The following MEGF10 variants were observed in gnomAD, a reference collection of about 807,000 sequenced individuals.
The protein encoded by MEGF10 is multiple epidermal growth factor-like domains protein 10.
MEGF10 carries 86 observed loss-of-function variants against 147.5 expected under a neutral mutation model. The ratio of observed to expected loss-of-function variants is 0.58; its 90% CI spans 0.49 to 0.70. MEGF10 has a LOEUF of 0.70. Ranked by LOEUF, MEGF10 falls within the 30% of genes least tolerant of loss-of-function variation. The pLI, the probability that MEGF10 is intolerant of heterozygous loss-of-function variation, is 0.00. For missense variants in MEGF10, 1,329 were observed against 1,487.3 expected (o/e 0.89, Z 1.75); for synonymous variants, 478 against 525.5 (o/e 0.91, Z 1.24).
the MEGF10 span, among the ~76,000 whole-genome samples, chr5:127,247,942 T>C: frequency 6.6e-6 from 1 of 152,198 alleles, no homozygotes; most frequent in Middle Eastern, 3.4e-3. Flanking sequence ...GTGTGGGCTT[T>C]ACACGTCAGG....
At chr5:127,416,886 C>T (rs192681992) in intron 9 of MEGF10, among the ~76,000 whole-genome samples, 2 of 152,274 alleles carry the variant, frequency 1.3e-5, no homozygotes, top group East Asian at 3.9e-4. Flanking sequence ...GATGGGAGGT[C>T]ACTTAGCAAA....
chr5:127,427,813 A>G (rs1316997169), intron 13 of MEGF10, among the ~76,000 whole-genome samples: 13 of 152,196 alleles, frequency 8.5e-5, no homozygotes, highest in Admixed American at 8.5e-4. Context: ...TCCAAGTTGG[A>G]GGTAATAACT....
chr5:127,252,378 A>T, the MEGF10 span, among the ~76,000 whole-genome samples: 8 of 151,904 alleles, frequency 5.3e-5, no homozygotes, highest in African/African-American at 1.9e-4. Context: ...AAATACTCAT[A>T]GTAGAAGAGT....
intron 16 of MEGF10, among the ~76,000 whole-genome samples, chr5:127,436,611 C>T (rs1316304767): frequency 3.9e-5 from 6 of 152,174 alleles, no homozygotes; most frequent in Non-Finnish European, 8.8e-5. Context: ...ATTTATATTG[C>T]TCCTTTAAAA....
upstream of MEGF10, among the ~76,000 whole-genome samples, chr5:127,289,148 T>C (rs1204193141): frequency 6.6e-6 from 1 of 152,186 alleles, no homozygotes. Flanking sequence ...ATTGAAGCAG[T>C]GGTTACATGG....
chr5:127,248,305 C>A, the MEGF10 span, among the ~76,000 whole-genome samples: 1 of 152,094 alleles, frequency 6.6e-6, no homozygotes, highest in East Asian at 1.9e-4. Context: ...TATAATAGAT[C>A]ATTTGCAACA....
At chr5:127,315,473 A>G (rs1308694297) in intron 1 of MEGF10, among the ~76,000 whole-genome samples, 1 of 152,172 alleles carries the variant, frequency 6.6e-6, no homozygotes, top group African/African-American at 2.4e-5. Context: ...TCAAAATTAA[A>G]ACTTAAAAAT....
the MEGF10 span, among the ~76,000 whole-genome samples, chr5:127,283,517 C>T: frequency 6.6e-6 from 1 of 152,144 alleles, no homozygotes; most frequent in Admixed American, 6.5e-5. Context: ...CCCAATACAC[C>T]AGCAATGCTT....
chr5:127,412,180 A>T (rs1443221621), intron 9 of MEGF10, among the ~76,000 whole-genome samples: 2 of 152,250 alleles, frequency 1.3e-5, no homozygotes, highest in African/African-American at 4.8e-5. Flanking sequence ...AATAACACTA[A>T]AATCTGTCTA....
At chr5:127,317,220 G>A (rs1760592488) in intron 1 of MEGF10, among the ~76,000 whole-genome samples, 1 of 152,154 alleles carries the variant, frequency 6.6e-6, no homozygotes, top group Non-Finnish European at 1.5e-5. Flanking sequence ...GTAGATTCTG[G>A]ATATTAGCCC....
At chr5:127,377,013 C>G (rs1172791538) in intron 5 of MEGF10, among the ~76,000 whole-genome samples, 1 of 152,130 alleles carries the variant, frequency 6.6e-6, no homozygotes, top group African/African-American at 2.4e-5. Context: ...ATTATGAAAA[C>G]AAACCCTCTG....
chr5:127,406,102 A>T (rs1764310232), intron 8 of MEGF10, among the ~76,000 whole-genome samples: 1 of 152,218 alleles, frequency 6.6e-6, no homozygotes, highest in Non-Finnish European at 1.5e-5. Flanking sequence ...GTCATATTTT[A>T]GGCCACTAAA....
At chr5:127,296,104 T>G (rs1759487537) in intron 1 of MEGF10, among the ~76,000 whole-genome samples, 1 of 152,352 alleles carries the variant, frequency 6.6e-6, no homozygotes, top group South Asian at 2.1e-4. Context: ...TTAAATATAG[T>G]TATTGCAGAG....
chr5:127,355,270 C>T (rs1306496650), intron 4 of MEGF10, among the ~76,000 whole-genome samples: 3 of 151,924 alleles, frequency 2.0e-5, no homozygotes, highest in African/African-American at 7.3e-5. Flanking sequence ...TTGTTTGATT[C>T]TCTCAGGCTT....
At chr5:127,304,308 G>A (rs1488837577) in intron 1 of MEGF10, among the ~76,000 whole-genome samples, 3 of 152,156 alleles carry the variant, frequency 2.0e-5, no homozygotes, top group Non-Finnish European at 4.4e-5. Context: ...GAGCCTGAGA[G>A]GTGACCTGAC....
intron 1 of MEGF10, among the ~76,000 whole-genome samples, chr5:127,301,699 C>T (rs969420283): frequency 6.6e-6 from 1 of 152,164 alleles, no homozygotes; most frequent in African/African-American, 2.4e-5. Flanking sequence ...AGCCTCTTTT[C>T]ATCAAATGTG....
rs1212599451 is a variant in MEGF10 at position 127,414,184 on chromosome 5, A to T, written c.1131-3454A>T. On this transcript the variant is annotated intron_variant, in intron 9 of 24. Coordinates refer to ENST00000503335, the MANE Select transcript of MEGF10 (RefSeq NM_001256545.2). ...ACCCCTTTATATGTGCCAAATTCTA[A>T]ATCTTAGCAATTGTCCTTCATGTCT... Among the ~76,000 whole-genome samples the T allele has an allele frequency of 2.0e-5, 3 of 152,150 alleles. No homozygotes were observed. The East Asian group carries it at 5.8e-4, about 29-fold the overall frequency.
the MEGF10 span, among the ~76,000 whole-genome samples, chr5:127,247,455 GAAGAAGAAGAAGAAGAAGAAGAAGAAGAA>G: frequency 1.5e-5 from 2 of 129,168 alleles, no homozygotes; most frequent in African/African-American, 6.0e-5. Flanking sequence ...AGAAGAAGAA[GAAGAAGAAGAAGAAGAAGAAGAAGAAGAA>G]GAAAAATTTA....
chr5:127,386,538 G>C (rs918731463), intron 5 of MEGF10, among the ~76,000 whole-genome samples: 2 of 152,154 alleles, frequency 1.3e-5, no homozygotes, highest in African/African-American at 2.4e-5. Flanking sequence ...GTTTTTAATT[G>C]GCAATGAAAA....
Sources: gnomAD v4.1 joint callset for allele counts (sites outside exome capture counted in the v4.1 genomes callset) on GRCh38, gnomAD v4.1.1 for gene constraint, MANE v1.5 for transcripts, NCBI Gene and HGNC (gene_info 2026-07-23, HGNC 2026-07-21) for gene names.